ARID4A: variants seen among roughly 807,000 people sequenced by gnomAD.
ARID4A encodes the protein AT-rich interaction domain 4A.
Under a neutral mutation model 148.6 loss-of-function variants are expected in ARID4A, and 39 were observed. That is an observed-to-expected ratio of 0.26 (90% CI 0.20 to 0.34). ARID4A has a LOEUF of 0.34. Ranked by LOEUF, ARID4A falls within the 10% of genes least tolerant of loss-of-function variation. The probability of loss-of-function intolerance (pLI) is 1.00; values close to 1 mark genes in which losing one functional copy is unlikely to be tolerated. For synonymous variants in ARID4A, 475 were observed against 481.2 expected, an observed-to-expected ratio of 0.99 and a Z score of 0.17; for missense variants, 1,265 against 1,449.1, an observed-to-expected ratio of 0.87 and a Z score of 2.06.
chr14:58,303,749 A>G (rs2031380900), intron 3 of ARID4A: 1 of 259,516 alleles, frequency 3.9e-6, no homozygotes, highest in Non-Finnish European at 8.3e-6. Context: ...CTACTTCATC[A>G]GAAACTCTGG....
chr14:58,358,079 G>A (rs1044073483), intron 17 of ARID4A, among the ~76,000 whole-genome samples: 3 of 152,222 alleles, frequency 2.0e-5, no homozygotes, highest in South Asian at 2.1e-4. Flanking sequence ...GTGTACATCC[G>A]TGGTCTCAGC....
chr14:58,343,795 A>T (rs1594931419), intron 11 of ARID4A, among the ~76,000 whole-genome samples: 1 of 151,166 alleles, frequency 6.6e-6, no homozygotes, highest in Non-Finnish European at 1.5e-5. Context: ...GTGCCATTAC[A>T]CTCCAGCCTA....
chr14:58,304,380 TTTATTTGGACCATCTA>T (rs1486457227), intron 3 of ARID4A, among the ~76,000 whole-genome samples: 6 of 152,198 alleles, frequency 3.9e-5, no homozygotes, highest in African/African-American at 2.4e-5. Flanking sequence ...AGATTTTGAA[TTTATTTGGACCATCTA>T]TTATTTGGAC....
At chr14:58,305,381 A>G (rs1594863591) in intron 4 of ARID4A, among the ~76,000 whole-genome samples, 1 of 152,286 alleles carries the variant, frequency 6.6e-6, no homozygotes, top group Non-Finnish European at 1.5e-5. Context: ...TAATTTACCA[A>G]GTAAACTATG....
rs190431451 is a variant in ARID4A at position 58,333,452 on chromosome 14, G to A, written c.906+3283G>A. ...GTTTAGAAAACTTGAGTATTAAGGGGAATGTGACCAGTGTTAGCTTTTAAA... is the reference window on the plus strand; with the variant it reads ...GTTTAGAAAACTTGAGTATTAAGGGAAATGTGACCAGTGTTAGCTTTTAAA... On this transcript the variant is annotated intron_variant, in intron 11 of 23. Transcript: ENST00000355431. Among the ~76,000 whole-genome samples the A allele has an allele frequency of 1.1e-3, 168 of 152,130 alleles. 1 individual carries two copies. The highest frequency in any genetic ancestry group is 3.8e-3 in the African/African-American group (157 of 41,534).
At position 58,362,805 on chromosome 14, in the gene ARID4A, G is replaced by A. The variant is rs144361124; in HGVS notation, c.2081-1365G>A. On this transcript the variant is annotated intron_variant, in intron 19 of 23. Transcript: ENST00000355431. ...ACTCTTGACCTCAAGTGATGTACCC[G>A]CCTCAGCGTCCTGAAGTGCTGGAAT... is the stretch of plus-strand genomic sequence containing the variant. 1.4e-4 allele frequency among the ~76,000 whole-genome samples: 21 copies of A among 152,204 alleles called. No individual in the cohort carries two copies. The East Asian group carries it at 3.5e-3, about 25-fold the overall frequency.
At chr14:58,309,918 A>ATT (rs1313190304) in intron 5 of ARID4A, among the ~76,000 whole-genome samples, 1 of 152,212 alleles carries the variant, frequency 6.6e-6, no homozygotes, top group Non-Finnish European at 1.5e-5. Flanking sequence ...AATTAATTAA[A>ATT]TTTTGTAGAA....
intron 7 of ARID4A, among the ~76,000 whole-genome samples, chr14:58,321,674 A>G (rs1487924562): frequency 6.6e-6 from 1 of 152,130 alleles, no homozygotes; most frequent in African/African-American, 2.4e-5. Flanking sequence ...GAGTATTTTT[A>G]AAGGCAAAGT....
intron 5 of ARID4A, among the ~76,000 whole-genome samples, chr14:58,311,044 GA>G (rs2031991162): frequency 6.6e-6 from 1 of 152,100 alleles, no homozygotes. Flanking sequence ...TCAGAAGTTC[GA>G]GACCAGCCTG....
chr14:58,319,491 C>T (rs946606408), intron 7 of ARID4A, among the ~76,000 whole-genome samples: 1 of 138,268 alleles, frequency 7.2e-6, no homozygotes, highest in Non-Finnish European at 1.5e-5. Context: ...GAATAATACA[C>T]GAATATCTGT....
rs376330054 is a variant in ARID4A at position 58,364,587 on chromosome 14, T to C, written c.2498T>C (p.Leu833Ser). 17 of 1,612,990 alleles carry C rather than the reference T, an allele frequency of 1.1e-5. 1 individual carries two copies. Among genetic ancestry groups the C allele is most frequent in the East Asian group, 4.5e-5 (2 of 44,850 alleles). Residue 833 changes from leucine to serine, a missense_variant, in exon 20 of 24, where the codon TTA becomes TCA. Physicochemically the swap from Leu to Ser is moderately radical, Grantham distance 145. Around this residue, in one of 9 missense-constraint regions of ARID4A, gnomAD observed 666 missense variants for 730.9 expected, o/e 0.91. Transcript: ENST00000355431. Reference protein sequence around the residue: ...IEAHSLELSSLDNKNFSSATE... With the variant: ...IEAHSLELSSSDNKNFSSATE... ...GCTCATAGTCTTGAATTGTCTTCAT[T>C]AGACAATAAAAACTTTTCTTCTGCT...
At chr14:58,346,620 G>A (rs1374233314) in intron 13 of ARID4A, 115 bp downstream of exon 13, 2 of 687,388 alleles carry the variant, frequency 2.9e-6, no homozygotes, top group Non-Finnish European at 4.7e-6. Flanking sequence ...AATGAACATA[G>A]AATATTAGGA....
At chr14:58,366,488 T>C (rs1422886239) in intron 22 of ARID4A, among the ~76,000 whole-genome samples, 1 of 152,174 alleles carries the variant, frequency 6.6e-6, no homozygotes, top group Non-Finnish European at 1.5e-5. Context: ...ATCAGTGAAA[T>C]TGAAGTGCCC....
chr14:58,365,479 T>TG, intron 20 of ARID4A, 39 bp from the exon 21 acceptor site: 2 of 1,197,248 alleles, frequency 1.7e-6, no homozygotes, highest in East Asian at 5.3e-5. Flanking sequence ...TTTTTTTTTT[T>TG]TTTTTTTTTT....
At chr14:58,327,468 T>C (rs1349843621) in intron 8 of ARID4A, among the ~76,000 whole-genome samples, 1 of 152,158 alleles carries the variant, frequency 6.6e-6, no homozygotes, top group African/African-American at 2.4e-5. Context: ...TTTTAATTAC[T>C]AAGGATTGTA....
intron 20 of ARID4A, 105 bp downstream of exon 20, chr14:58,365,405 C>T (rs572281823): frequency 7.1e-7 from 1 of 1,403,234 alleles, no homozygotes; most frequent in Admixed American, 2.5e-5. Context: ...TTTCTTTTCT[C>T]TCTTCTTTTC....
At chr14:58,301,515 G>A (rs1284903528) in intron 2 of ARID4A, 65 bp from the exon 3 acceptor site, 1 of 1,097,874 alleles carries the variant, frequency 9.1e-7, no homozygotes, top group Non-Finnish European at 1.3e-6. Flanking sequence ...ACCTTTTAAT[G>A]AGACTTGAGG....
chr14:58,321,234 A>G (rs956246560), intron 7 of ARID4A, among the ~76,000 whole-genome samples: 2 of 152,230 alleles, frequency 1.3e-5, no homozygotes, highest in African/African-American at 4.8e-5. Context: ...AAATTTTATC[A>G]TGTACTAATA....
chr14:58,372,057 A>G lies in ARID4A; in HGVS notation c.*68A>G, dbSNP rs1312238616. ...ATAAATCCCCAAACCCTGAATTACA[A>G]CCACAGAAAGCACTCAACTGGTTTG... is the stretch of plus-strand genomic sequence containing the variant. On this transcript the variant is annotated 3_prime_UTR_variant, in exon 24 of 24. Transcript: ENST00000355431. 7.1e-6 allele frequency: 8 copies of G among 1,130,808 alleles called. No individual in the cohort carries two copies. In the East Asian group the frequency reaches 1.5e-4, roughly 21 times the overall value. 70.0% of individuals were successfully genotyped at this position (1,130,808 alleles called of 1,614,324 possible). A position where few individuals can be genotyped will look rare whatever the true frequency, so the allele number is the denominator to read the frequency against.
Sources: gnomAD v4.1 joint callset for allele counts (sites outside exome capture counted in the v4.1 genomes callset) on GRCh38, gnomAD v4.1.1 for gene constraint, gnomAD v4.1.1 regional missense constraint, MANE v1.5 for transcripts, NCBI Gene and HGNC (gene_info 2026-07-23, HGNC 2026-07-21) for gene names.